CELF2: variants seen among roughly 807,000 people sequenced by gnomAD.
The protein encoded by CELF2 is CUGBP Elav-like family member 2.
A neutral mutation model predicts 62.6 loss-of-function variants in CELF2; 8 were observed. The observed-to-expected ratio is 0.13, with a 90% confidence interval of 0.07 to 0.23. CELF2 has a LOEUF of 0.23. Ranked by LOEUF, CELF2 falls within the 10% of genes least tolerant of loss-of-function variation. The pLI is 1.00. For missense variants in CELF2, 333 were observed against 671.0 expected (o/e 0.50, Z 5.56); for synonymous variants, 258 against 250.0 (o/e 1.03, Z -0.30).
At chr10:11,121,197 A>G (rs1243740634) in intron 1 of CELF2, among the ~76,000 whole-genome samples, 4 of 152,062 alleles carry the variant, frequency 2.6e-5, no homozygotes, top group East Asian at 1.9e-4. Context: ...TAGAAAACCA[A>G]TTTCTTCCTT....
chr10:11,244,109 G>A lies in CELF2; in HGVS notation c.355-5044G>A, dbSNP rs2074875588. ...TAGCTCTGGCAGCAGGGAGGGCCAGGGTCCCTAGTCATGGGGAAGCAGTTG... is the reference window on the plus strand; with the variant it reads ...TAGCTCTGGCAGCAGGGAGGGCCAGAGTCCCTAGTCATGGGGAAGCAGTTG... On this transcript the variant is annotated intron_variant, in intron 3 of 12. Transcript: ENST00000633077. The surrounding 1 kb of genome is among the most constrained non-coding windows in gnomAD (Gnocchi z 4.2). 6.6e-6 allele frequency among the ~76,000 whole-genome samples: 1 copy of A among 152,210 alleles called. No individual in the cohort carries two copies. Among genetic ancestry groups the A allele is most frequent in the South Asian group, 2.1e-4 (1 of 4,832 alleles).
chr10:11,276,312 G>C (rs183351931), intron 8 of CELF2, among the ~76,000 whole-genome samples: 9 of 152,208 alleles, frequency 5.9e-5, no homozygotes, highest in East Asian at 3.9e-4. Flanking sequence ...TGAATTCCTC[G>C]TTGGGCTTTA....
chr10:10,546,712 A>AG, the CELF2 span, among the ~76,000 whole-genome samples: 2 of 152,164 alleles, frequency 1.3e-5, no homozygotes, highest in Non-Finnish European at 2.9e-5. Context: ...TTTGTCACAA[A>AG]GGGATACTTG....
Position 11,157,813 on chromosome 10 carries a change from G to T in CELF2, c.75-7673G>T, listed in dbSNP as rs61832284. Among the ~76,000 whole-genome samples the T allele has an allele frequency of 0.08, 12,158 of 152,292 alleles. 711 individuals are homozygous for T. The highest frequency in any genetic ancestry group is 0.16 in the African/African-American group (6,577 of 41,544). On this transcript the variant is annotated intron_variant, in intron 1 of 12. Transcript: ENST00000633077. The surrounding 1 kb of genome is among the most constrained non-coding windows in gnomAD (Gnocchi z 4.9). Reference sequence around the variant, plus strand: ...AGTGTGTAGAGAGGGTTGTGAATCCGCACTGACCGTGTTCTCTTGCATAAA... The same window carrying T: ...AGTGTGTAGAGAGGGTTGTGAATCCTCACTGACCGTGTTCTCTTGCATAAA...
At chr10:11,216,275 T>G (rs2063337945) in intron 2 of CELF2, among the ~76,000 whole-genome samples, 1 of 152,222 alleles carries the variant, frequency 6.6e-6, no homozygotes, top group Non-Finnish European at 1.5e-5. Flanking sequence ...TTGGATGTCT[T>G]TAGAAATCTT....
At chr10:10,967,467 A>C (rs574538531) in intron 2 of CELF2, among the ~76,000 whole-genome samples, 3 of 152,142 alleles carry the variant, frequency 2.0e-5, no homozygotes, top group African/African-American at 7.2e-5. Flanking sequence ...GTAGGCATCG[A>C]GAGGGAAATA....
At position 10,993,016 on chromosome 10, in the gene CELF2, T is replaced by C. The variant is rs1466162946; in HGVS notation, c.89+73017T>C. Among the ~76,000 whole-genome samples the C allele has an allele frequency of 6.6e-6, 1 of 152,160 alleles. No individual in the cohort carries two copies. Among genetic ancestry groups the C allele is most frequent in the African/African-American group, 2.4e-5 (1 of 41,426 alleles). ...GTTGTCTCTGTCTCAGTAAGGTTCATTGACCTTGGTGAGACAGCTAAACAC... is the reference window on the plus strand; with the variant it reads ...GTTGTCTCTGTCTCAGTAAGGTTCACTGACCTTGGTGAGACAGCTAAACAC... On this transcript the variant is annotated intron_variant, in intron 2 of 13. Coordinates refer to the CELF2 transcript ENST00000636488. This position sits in a 1 kb window ranked among gnomAD's most constrained non-coding sequence, Gnocchi z 5.3.
At position 11,270,043 on chromosome 10, in the gene CELF2, A is replaced by G. The variant is rs1224979891; in HGVS notation, c.619-623A>G. Reference sequence around the variant, plus strand: ...GTGCTGAGGGAAGAGGCCTCTCTGAAAACGTGAACGGTTACTTTGGAGAAT... The same window carrying G: ...GTGCTGAGGGAAGAGGCCTCTCTGAGAACGTGAACGGTTACTTTGGAGAAT... On this transcript the variant is annotated intron_variant, in intron 6 of 12. Transcript: ENST00000633077. This position sits in a 1 kb window ranked among gnomAD's most constrained non-coding sequence, Gnocchi z 5.8. Among the ~76,000 whole-genome samples, 1 of 152,140 alleles carries G rather than the reference A, an allele frequency of 6.6e-6. No homozygotes were observed. The highest frequency in any genetic ancestry group is 1.9e-4 in the East Asian group (1 of 5,194).
chr10:10,937,756 G>A (rs973357132), intron 2 of CELF2, among the ~76,000 whole-genome samples: 1 of 152,208 alleles, frequency 6.6e-6, no homozygotes, highest in Middle Eastern at 3.4e-3. Context: ...TTTGTGTGAA[G>A]TAATTGAGTT....
chr10:11,029,282 A>T (rs1171099645), intron 1 of CELF2, among the ~76,000 whole-genome samples: 1 of 152,144 alleles, frequency 6.6e-6, no homozygotes. Context: ...GGTGGTTAAT[A>T]AAAAAGGCAC....
the CELF2 span, among the ~76,000 whole-genome samples, chr10:10,631,561 C>T: frequency 3.9e-5 from 6 of 152,164 alleles, no homozygotes; most frequent in African/African-American, 1.4e-4. Context: ...ACTTCCGGTG[C>T]TTAAGAAATA....
intron 1 of CELF2, among the ~76,000 whole-genome samples, chr10:10,896,849 T>C (rs986081525): frequency 2.0e-5 from 3 of 152,342 alleles, no homozygotes; most frequent in Non-Finnish European, 4.4e-5. Context: ...GGACAGGGTT[T>C]CATCCTGATA....
At chr10:11,028,340 G>A (rs2059565252) in intron 1 of CELF2, among the ~76,000 whole-genome samples, 1 of 152,076 alleles carries the variant, frequency 6.6e-6, no homozygotes, top group African/African-American at 2.4e-5. Flanking sequence ...CGATATGAAG[G>A]CTGGTTCTGA....
chr10:10,725,896 A>G, the CELF2 span, among the ~76,000 whole-genome samples: 1 of 151,158 alleles, frequency 6.6e-6, no homozygotes, highest in Non-Finnish European at 1.5e-5. Flanking sequence ...AAATTCTACA[A>G]TTAAAAAAAA....
chr10:10,955,582 T>C (rs905039432), intron 2 of CELF2, among the ~76,000 whole-genome samples: 5 of 152,196 alleles, frequency 3.3e-5, no homozygotes, highest in Non-Finnish European at 7.3e-5. Flanking sequence ...GTAGGTACTG[T>C]TACTATAACC....
At chr10:10,524,472 G>C in the CELF2 span, among the ~76,000 whole-genome samples, 1 of 151,184 alleles carries the variant, frequency 6.6e-6, no homozygotes, top group African/African-American at 2.4e-5. Flanking sequence ...ACATAGGATT[G>C]AGTTATGGGG....
intron 2 of CELF2, among the ~76,000 whole-genome samples, chr10:11,195,257 A>G (rs1038518959): frequency 3.3e-5 from 5 of 152,154 alleles, no homozygotes; most frequent in Admixed American, 2.6e-4. Flanking sequence ...TGAGAGTGTT[A>G]ACTGCTATTT....
At chr10:10,653,072 T>C in the CELF2 span, among the ~76,000 whole-genome samples, 180 of 152,182 alleles carry the variant, frequency 1.2e-3, 1 homozygote, top group African/African-American at 4.0e-3. Flanking sequence ...CAATCCTCAT[T>C]TCTGATAAAG....
In CELF2 at chr10:11,174,875, A is replaced by G. The variant is rs146170962; in HGVS notation, c.271+9193A>G. On this transcript the variant is annotated intron_variant, in intron 2 of 12. Transcript: ENST00000633077. ...AACTGCATCCTAGTCAAGTAAAGAA[A>G]TAACGCAAACATCAGGGAGGGGGAG... 8.6e-3 allele frequency among the ~76,000 whole-genome samples: 1,303 copies of G among 152,332 alleles called. 15 individuals are homozygous for G. Among genetic ancestry groups the G allele is most frequent in the African/African-American group, 0.03 (1,227 of 41,554 alleles).
Sources: allele counts gnomAD v4.1 joint callset (sites outside exome capture counted in the v4.1 genomes callset), GRCh38; gene constraint gnomAD v4.1.1; non-coding constraint Gnocchi (gnomAD v3.1); transcripts MANE v1.5; gene names NCBI Gene and HGNC (gene_info 2026-07-23, HGNC 2026-07-21).